RC3H2: variants seen among roughly 807,000 people sequenced by gnomAD.
RC3H2 encodes roquin-2.
In RC3H2, 31 loss-of-function variants were observed where a neutral mutation model predicts 133.3. That is an observed-to-expected ratio of 0.23 (90% confidence interval 0.17 to 0.31). The LOEUF is 0.31. Ranked by LOEUF, RC3H2 falls within the 10% of genes least tolerant of loss-of-function variation. The pLI is 1.00. For missense variants in RC3H2, 1,175 were observed against 1,437.2 expected (o/e 0.82, Z 2.95); for synonymous variants, 517 against 502.2 (o/e 1.03, Z -0.40).
chr9:122,851,208 C>G lies in RC3H2; in HGVS notation c.3253G>C (p.Gly1085Arg). The change falls in exon 20 of 21, where the codon GGT (glycine) becomes CGT (arginine). Residue 1085 changes from glycine to arginine, a missense_variant. Physicochemically the swap from Gly to Arg is moderately radical, Grantham distance 125. Transcript: ENST00000357244. ...AACTGATCATTTTGAGAACTGATAC[C>G]AAGCTGTATGTCCAAGATCTCCTAA... ...PIEEILDIQL[G>R]ISSQNDQLLN... is the part of the protein sequence containing the mutation. The G allele has an allele frequency of 5.6e-6, 9 of 1,613,976 alleles. No individual in the cohort carries two copies. Among genetic ancestry groups the G allele is most frequent in the Non-Finnish European group, 7.6e-6 (9 of 1,179,882 alleles).
At chr9:122,862,844 G>T (rs868216343) in intron 10 of RC3H2, among the ~76,000 whole-genome samples, 2 of 127,704 alleles carry the variant, frequency 1.6e-5, no homozygotes, top group Non-Finnish European at 1.5e-5. Context: ...GCAGTGAGCC[G>T]AAATCGCACC....
chr9:122,848,380 T>C lies in RC3H2; in HGVS notation c.*1247A>G, dbSNP rs559955668. On this transcript the variant is annotated 3_prime_UTR_variant, in exon 21 of 21. Coordinates refer to ENST00000357244, the MANE Select transcript of RC3H2 (RefSeq NM_001100588.3). ...ATGTTGACTGAAATTTAGGTTTCAG[T>C]ACAATACCTCCCACAAATCTGATGC... 1 of 152,330 alleles carries C rather than the reference T, an allele frequency of 6.6e-6. No homozygotes were observed. The highest frequency in any genetic ancestry group is 2.4e-5 in the African/African-American group (1 of 41,588). The allele number at this position is 152,330 out of a possible 1,614,324, so 9.4% of individuals were successfully genotyped here. A position where few individuals can be genotyped will look rare whatever the true frequency, so the allele number is the denominator to read the frequency against.
chr9:122,851,642 G>C, intron 18 of RC3H2: 1 of 600,086 alleles, frequency 1.7e-6, no homozygotes, highest in Non-Finnish European at 2.7e-6. Context: ...AATTGCAGGC[G>C]CGCGCCGCCA....
intron 13 of RC3H2, among the ~76,000 whole-genome samples, chr9:122,857,051 A>G (rs889330831): frequency 6.6e-6 from 1 of 152,230 alleles, no homozygotes; most frequent in Non-Finnish European, 1.5e-5. Flanking sequence ...GTTAAAAAAT[A>G]TAATGCCTAG....
intron 1 of RC3H2, among the ~76,000 whole-genome samples, chr9:122,899,240 C>T (rs377061075): frequency 2.6e-5 from 4 of 151,500 alleles, no homozygotes; most frequent in African/African-American, 7.3e-5. Context: ...GTAACTGGGA[C>T]GGCACCCACC....
At chr9:122,893,791 TTAAGA>T (rs201957840) in intron 2 of RC3H2, among the ~76,000 whole-genome samples, 3 of 152,300 alleles carry the variant, frequency 2.0e-5, no homozygotes, top group African/African-American at 4.8e-5. Flanking sequence ...TATTATTTAC[TTAAGA>T]TAAGCATTAT....
intron 3 of RC3H2, among the ~76,000 whole-genome samples, chr9:122,891,267 C>T (rs115226112): frequency 1.8e-3 from 273 of 152,230 alleles, no homozygotes; most frequent in African/African-American, 5.8e-3. Flanking sequence ...AAATGATCTG[C>T]CCGCCTCGGC....
At chr9:122,850,993 C>G (rs1337085825) in intron 20 of RC3H2, 88 bp downstream of exon 20, 2 of 1,447,632 alleles carry the variant, frequency 1.4e-6, no homozygotes, top group Non-Finnish European at 1.9e-6. Context: ...CTTCCCCTCA[C>G]AGCATAAAGC....
At position 122,871,303 on chromosome 9, in the gene RC3H2, C is replaced by CT. The variant is rs984808700; in HGVS notation, c.1326-5647dup. ...ACTACCTGCTCAAATGTTGTATCTT[C>CT]TTTTTTTTTTTTGAGACGGAGTCTC... On this transcript the variant is annotated intron_variant, in intron 9 of 20. Coordinates refer to ENST00000357244, the MANE Select transcript of RC3H2 (RefSeq NM_001100588.3). 2.2e-3 allele frequency among the ~76,000 whole-genome samples: 316 copies of CT among 146,482 alleles called. 2 individuals are homozygous for CT. Among genetic ancestry groups the CT allele is most frequent in the Middle Eastern group, 3.5e-3 (1 of 286 alleles).
intron 2 of RC3H2, among the ~76,000 whole-genome samples, chr9:122,897,022 T>A (rs2131503363): frequency 1.3e-5 from 1 of 79,108 alleles, no homozygotes; most frequent in African/African-American, 7.7e-5. Flanking sequence ...TGAGACTCTG[T>A]CTAAAAAAAA....
At chr9:122,880,147 G>A (rs772168238) in intron 6 of RC3H2, 22 bp from the exon 7 acceptor site, 18 of 1,612,808 alleles carry the variant, frequency 1.1e-5, no homozygotes, top group Non-Finnish European at 1.5e-5. Context: ...AAATGAGAAT[G>A]CTTTTTACTT....
intron 1 of RC3H2, among the ~76,000 whole-genome samples, chr9:122,898,640 T>A (rs889202173): frequency 6.6e-6 from 1 of 150,736 alleles, no homozygotes; most frequent in Non-Finnish European, 1.5e-5. Flanking sequence ...TTCCAGCTAC[T>A]AGGGAGGCTG....
At chr9:122,901,059 T>C (rs906109763) in intron 1 of RC3H2, among the ~76,000 whole-genome samples, 2 of 152,248 alleles carry the variant, frequency 1.3e-5, no homozygotes, top group Non-Finnish European at 2.9e-5. Flanking sequence ...TTTTCTCTTA[T>C]TAGTCCACCA....
chr9:122,852,443 C>T (rs1188265473), intron 18 of RC3H2, among the ~76,000 whole-genome samples: 11 of 136,444 alleles, frequency 8.1e-5, no homozygotes, highest in African/African-American at 1.4e-4. Flanking sequence ...CCGCCCCGTC[C>T]GGGAGGTGAG....
At chr9:122,871,517 GT>G (rs1831094159) in intron 9 of RC3H2, among the ~76,000 whole-genome samples, 1 of 148,794 alleles carries the variant, frequency 6.7e-6, no homozygotes, top group East Asian at 2.1e-4. Flanking sequence ...GGGGGGGGGG[GT>G]TTCATCGTGT....
intron 9 of RC3H2, among the ~76,000 whole-genome samples, chr9:122,867,215 C>T (rs1830731113): frequency 1.1e-5 from 1 of 92,984 alleles, no homozygotes; most frequent in Non-Finnish European, 2.2e-5. Flanking sequence ...GGCAGCCACC[C>T]CGTCCGGGAG....
chr9:122,868,845 GT>G (rs1449528907), intron 9 of RC3H2, among the ~76,000 whole-genome samples: 2 of 1,142 alleles, frequency 1.8e-3, no homozygotes, highest in Non-Finnish European at 5.3e-3. Flanking sequence ...CTATATGTGT[GT>G]GTGTGTGTGT....
In RC3H2 at chr9:122,848,160, A is replaced by AC. The variant is rs921066328; in HGVS notation, c.*1466dup. On this transcript the variant is annotated 3_prime_UTR_variant, in exon 21 of 21. Coordinates refer to ENST00000357244, the MANE Select transcript of RC3H2 (RefSeq NM_001100588.3). ...CATCTTGCTAGCAGGAAAAGCCCTTACATACAGTACACCTGGTGAAAGATC... is the reference window on the plus strand; with the variant it reads ...CATCTTGCTAGCAGGAAAAGCCCTTACCATACAGTACACCTGGTGAAAGATC... 1 of 152,192 alleles carries AC rather than the reference A, an allele frequency of 6.6e-6. No individual in the cohort carries two copies. The highest frequency in any genetic ancestry group is 1.5e-5 in the Non-Finnish European group (1 of 68,002). 9.4% of individuals were successfully genotyped at this position (152,192 alleles called of 1,614,324 possible). A position where few individuals can be genotyped will look rare whatever the true frequency, so the allele number is the denominator to read the frequency against.
Position 122,865,499 on chromosome 9 carries a change from C to G in RC3H2, c.1484G>C (p.Gly495Ala), listed in dbSNP as rs1489793117. 3.1e-6 allele frequency: 5 copies of G among 1,614,204 alleles called. No individual in the cohort carries two copies. The highest frequency in any genetic ancestry group is 4.2e-6 in the Non-Finnish European group (5 of 1,180,044). The change falls in exon 10 of 21, where the codon GGA becomes GCA. Residue 495 changes from glycine (G) to alanine (A), a missense_variant. Coordinates refer to ENST00000357244, the MANE Select transcript of RC3H2 (RefSeq NM_001100588.3). ...AACACTGTTTTCTGCATTTGAAATT[C>G]CGTTTGTACTTGGAACAATTTTCCC... ...TTGKIVPSTN[G>A]ISNAENSVSQ... is the part of the protein sequence containing the mutation.
Sources: allele counts gnomAD v4.1 joint callset (sites outside exome capture counted in the v4.1 genomes callset), GRCh38; gene constraint gnomAD v4.1.1; transcripts MANE v1.5; gene names NCBI Gene and HGNC (gene_info 2026-07-23, HGNC 2026-07-21).